The following FRA10AC1 variants were observed in gnomAD, a reference collection of about 807,000 sequenced individuals.
FRA10AC1 encodes the protein protein FRA10AC1.
Under a neutral mutation model 56.5 loss-of-function variants are expected in FRA10AC1, and 43 were observed. That is an observed-to-expected ratio of 0.76 (90% CI 0.60 to 0.98). The LOEUF is 0.98. Ranked by LOEUF, FRA10AC1 falls within the 50% of genes least tolerant of loss-of-function variation. The probability of loss-of-function intolerance (pLI) is 0.00; values close to 1 mark genes in which losing one functional copy is unlikely to be tolerated. For synonymous variants in FRA10AC1, 112 were observed against 110.5 expected (o/e 1.01, Z -0.09); for missense variants, 346 against 351.8 (o/e 0.98, Z 0.13).
chr10:93,690,404 G>A lies in FRA10AC1; in HGVS notation c.465+1605C>T, dbSNP rs569759688. ...TTCAAGATTATTTTCTTTAAAGTAC[G>A]ATTTCTAGTGGTATCCATTTTTGAA... On this transcript the variant is annotated intron_variant, in intron 7 of 13. Coordinates refer to ENST00000359204, the MANE Select transcript of FRA10AC1 (RefSeq NM_145246.5). Among the ~76,000 whole-genome samples the A allele has an allele frequency of 2.6e-5, 4 of 152,130 alleles. No homozygotes were observed. The East Asian group carries it at 5.8e-4, about 22-fold the overall frequency.
intron 12 of FRA10AC1, chr10:93,672,806 C>T (rs2058783358): frequency 6.5e-6 from 1 of 153,386 alleles, no homozygotes; most frequent in African/African-American, 2.4e-5. Context: ...CCTTATAACC[C>T]TATGAATCTA....
rs767204685 is a variant in FRA10AC1 at position 93,681,506 on chromosome 10, T to A, written c.761A>T (p.Glu254Val). The A allele has an allele frequency of 1.1e-5, 17 of 1,579,500 alleles. No homozygotes were observed. Among genetic ancestry groups the A allele is most frequent in the Non-Finnish European group, 1.3e-5 (15 of 1,167,358 alleles). ...SHKKSRLSSA[E>V]EASKKKDKGH... ...TTTATCTTTTTTCTTGGAGGCCTCT[T>A]CTGCAGAAGATAATCTGGATTTTTT... Residue 254 changes from glutamate to valine, a missense_variant, in exon 11 of 14, where the codon GAA (glutamate) becomes GTA (valine). Coordinates refer to ENST00000359204, the MANE Select transcript of FRA10AC1 (RefSeq NM_145246.5).
At chr10:93,684,674 C>A (rs887352747) in intron 9 of FRA10AC1, among the ~76,000 whole-genome samples, 28 of 151,828 alleles carry the variant, frequency 1.8e-4, no homozygotes, top group African/African-American at 6.3e-4. Flanking sequence ...TACTTAGGAC[C>A]CAGAGAAGGC....
rs1170374082 is a variant in FRA10AC1, at chr10:93,702,408, C to G, written c.-34G>C. ...TTCCTCCCTGTGTGCCAAGTTCGCCCCCGGAGTCGTCGTTTCCTTCTTTCC... is the reference window on the plus strand; with the variant it reads ...TTCCTCCCTGTGTGCCAAGTTCGCCGCCGGAGTCGTCGTTTCCTTCTTTCC... On this transcript the variant is annotated 5_prime_UTR_variant, in exon 1 of 14. Coordinates refer to ENST00000359204, the MANE Select transcript of FRA10AC1 (RefSeq NM_145246.5). 1.2e-5 allele frequency: 2 copies of G among 163,704 alleles called. No individual in the cohort carries two copies. Among genetic ancestry groups the G allele is most frequent in the Non-Finnish European group, 2.6e-5 (2 of 75,560 alleles). The allele number at this position is 163,704 out of a possible 1,614,324, so 10.1% of individuals were successfully genotyped here. A position where few individuals can be genotyped will look rare whatever the true frequency, so the allele number is the denominator to read the frequency against.
intron 4 of FRA10AC1, among the ~76,000 whole-genome samples, chr10:93,695,785 C>T (rs1280934046): frequency 6.6e-6 from 1 of 151,836 alleles, no homozygotes. Context: ...GATCTGGATT[C>T]TAGCTCTTGA....
chr10:93,673,316 T>C (rs925278152), intron 12 of FRA10AC1: 6 of 456,452 alleles, frequency 1.3e-5, no homozygotes, highest in Admixed American at 9.4e-5. Flanking sequence ...TCCTCACCTC[T>C]TCCCTCCCAT....
At chr10:93,670,669 T>C in intron 13 of FRA10AC1, 101 bp downstream of exon 13, 2 of 750,234 alleles carry the variant, frequency 2.7e-6, no homozygotes, top group East Asian at 2.6e-5. Context: ...TGGCATTAAA[T>C]AGATCACCAT....
rs1462306811 is a variant in FRA10AC1 at position 93,670,788 on chromosome 10, T to C, written c.887A>G (p.Glu296Gly). ...ESELWKGPLP[E>G]TDEKSQEEEF... ...CACTTACTGTGATTTTTCATCTGTC[T>C]CTGGTAGTGGACCCTTCCAAAGTTC... The change falls in exon 13 of 14, where the codon GAG becomes GGG. Residue 296 changes from glutamate to glycine, a missense_variant. Glu to Gly is a moderately conservative substitution (Grantham distance 98, BLOSUM62 -2). Coordinates refer to ENST00000359204, the MANE Select transcript of FRA10AC1 (RefSeq NM_145246.5). 3 of 1,608,364 alleles carry C rather than the reference T, an allele frequency of 1.9e-6. No homozygotes were observed. Among genetic ancestry groups the C allele is most frequent in the Non-Finnish European group, 2.6e-6 (3 of 1,175,248 alleles).
chr10:93,675,808 A>T (rs1316175536), intron 12 of FRA10AC1: 3 of 167,872 alleles, frequency 1.8e-5, no homozygotes, highest in Non-Finnish European at 4.0e-5. Context: ...TATGCTATTG[A>T]ACTACACCTT....
At chr10:93,678,073 T>G (rs2133902243) in intron 11 of FRA10AC1, among the ~76,000 whole-genome samples, 1 of 152,320 alleles carries the variant, frequency 6.6e-6, no homozygotes, top group East Asian at 1.9e-4. Flanking sequence ...TATGTATTTC[T>G]AAAGGAGAAG....
chr10:93,699,540 T>C (rs1375262884), intron 2 of FRA10AC1, among the ~76,000 whole-genome samples: 2 of 152,184 alleles, frequency 1.3e-5, no homozygotes, highest in Non-Finnish European at 2.9e-5. Flanking sequence ...AGAGTTTTTG[T>C]CTCTTGCAAT....
At position 93,687,362 on chromosome 10, in the gene FRA10AC1, A is replaced by G. The variant is rs1225349394; in HGVS notation, c.511+42T>C. Reference sequence around the variant, plus strand: ...GACTCCAATTCAGTAACTTAACAAAATAAGTTTATCCTATTAAAAAGTAAA... The same window carrying G: ...GACTCCAATTCAGTAACTTAACAAAGTAAGTTTATCCTATTAAAAAGTAAA... On this transcript the variant is annotated intron_variant, in intron 8 of 13. Coordinates refer to ENST00000359204, the MANE Select transcript of FRA10AC1 (RefSeq NM_145246.5). 6 of 1,364,948 alleles carry G rather than the reference A, an allele frequency of 4.4e-6. No individual in the cohort carries two copies. The African/African-American group carries it at 4.4e-5, about 10-fold the overall frequency. 84.6% of individuals were successfully genotyped at this position (1,364,948 alleles called of 1,614,324 possible). A position where few individuals can be genotyped will look rare whatever the true frequency, so the allele number is the denominator to read the frequency against.
intron 5 of FRA10AC1, among the ~76,000 whole-genome samples, chr10:93,694,108 A>G (rs572724593): frequency 6.6e-6 from 1 of 152,016 alleles, no homozygotes; most frequent in Non-Finnish European, 1.5e-5. Context: ...AAACAAAAAC[A>G]AAACAAAACA....
chr10:93,685,878 C>T (rs2059018463), intron 8 of FRA10AC1, among the ~76,000 whole-genome samples: 3 of 151,734 alleles, frequency 2.0e-5, no homozygotes, highest in Admixed American at 2.0e-4. Context: ...GCCTTGAAAA[C>T]ACATTTAAAA....
At chr10:93,689,067 T>G (rs2059079915) in intron 7 of FRA10AC1, among the ~76,000 whole-genome samples, 1 of 151,064 alleles carries the variant, frequency 6.6e-6, no homozygotes, top group Non-Finnish European at 1.5e-5. Flanking sequence ...GGGGTTTTTT[T>G]TTTTTTTTTT....
In FRA10AC1 at chr10:93,667,951, C is replaced by G. The variant is rs959210691; in HGVS notation, c.*1875G>C. On this transcript the variant is annotated 3_prime_UTR_variant, in exon 14 of 14. Transcript: ENST00000359204. ...CAAACAATGTTAAACACTGATAAAC[C>G]CAACACTGATTTACTTTTCTGAAAC... 1 of 152,000 alleles carries G rather than the reference C, an allele frequency of 6.6e-6. No homozygotes were observed. The highest frequency in any genetic ancestry group is 2.4e-5 in the African/African-American group (1 of 41,376). The allele number at this position is 152,000 out of a possible 1,614,324, so 9.4% of individuals were successfully genotyped here. A position where few individuals can be genotyped will look rare whatever the true frequency, so the allele number is the denominator to read the frequency against.
Position 93,687,434 on chromosome 10 carries a change from G to T in FRA10AC1, c.481C>A (p.Arg161=). 6.6e-7 allele frequency: 1 copy of T among 1,505,226 alleles called. No individual in the cohort carries two copies. The highest frequency in any genetic ancestry group is 1.4e-5 in the African/African-American group (1 of 70,912). The allele number at this position is 1,505,226 out of a possible 1,614,324, so 93.2% of individuals were successfully genotyped here. A position where few individuals can be genotyped will look rare whatever the true frequency, so the allele number is the denominator to read the frequency against. ...YKENKFGFRW[R]VEKEVISGKG... is the part of the protein sequence containing the mutation. ...CCTGAAATTACTTCTTTTTCTACTC[G>T]CCACCTAAATCCAAACTGATAATAA... is the stretch of plus-strand genomic sequence containing the variant. Residue 161 remains arginine, a synonymous_variant, in exon 8 of 14, where the codon CGA becomes AGA. Coordinates refer to ENST00000359204, the MANE Select transcript of FRA10AC1 (RefSeq NM_145246.5).
chr10:93,699,924 G>T, intron 2 of FRA10AC1, 106 bp downstream of exon 2: 1 of 643,362 alleles, frequency 1.6e-6, no homozygotes, highest in South Asian at 1.9e-5. Context: ...TAGAGCAATT[G>T]TCTTCACATG....
chr10:93,674,539 T>C (rs1020956999), intron 12 of FRA10AC1: 7 of 152,030 alleles, frequency 4.6e-5, no homozygotes, highest in Non-Finnish European at 1.0e-4. Flanking sequence ...CAGCTTGAAG[T>C]GGATAGTTTG....
Sources: gnomAD v4.1 joint callset for allele counts (sites outside exome capture counted in the v4.1 genomes callset) on GRCh38, gnomAD v4.1.1 for gene constraint, MANE v1.5 for transcripts, NCBI Gene and HGNC (gene_info 2026-07-23, HGNC 2026-07-21) for gene names.